The following TRIM71 variants were observed in gnomAD, a reference collection of about 807,000 sequenced individuals.
TRIM71 encodes E3 ubiquitin-protein ligase TRIM71.
A neutral mutation model predicts 61.2 loss-of-function variants in TRIM71; 9 were observed. That is an observed-to-expected ratio of 0.15 (90% CI 0.09 to 0.26). The LOEUF (loss-of-function observed/expected upper bound fraction) is 0.26, where lower values mean the gene tolerates loss of function less well. Ranked by LOEUF, TRIM71 falls within the 10% of genes least tolerant of loss-of-function variation. The pLI, the probability that TRIM71 is intolerant of heterozygous loss-of-function variation, is 1.00. For missense variants in TRIM71, 998 were observed against 1,238.7 expected (o/e 0.81, Z 2.92); for synonymous variants, 645 against 553.2 (o/e 1.17, Z -2.33).
At chr3:32,837,588 G>T (rs1696349460) in intron 1 of TRIM71, among the ~76,000 whole-genome samples, 1 of 152,118 alleles carries the variant, frequency 6.6e-6, no homozygotes, top group African/African-American at 2.4e-5. Flanking sequence ...GGGAAGCCAA[G>T]GTGGACGAAT....
chr3:32,890,909 C>A lies in TRIM71; in HGVS notation c.1705C>A (p.Gln569Lys). Residue 569 changes from glutamine to lysine, a missense_variant, in exon 4 of 4, where the codon CAG becomes AAG. By Grantham distance (53) the Gln-to-Lys change is moderately conservative. Transcript: ENST00000383763. This position sits in a 1 kb window ranked among gnomAD's most constrained non-coding sequence, Gnocchi z 6.2. ...EHLVSVTLCN[Q>K]HIENSPFKVV... is the part of the protein sequence containing the mutation. ...CCTGGTATCTGTGACACTGTGCAAC[C>A]AGCACATTGAGAACAGCCCTTTCAA... 1.2e-6 allele frequency: 2 copies of A among 1,614,230 alleles called. No individual in the cohort carries two copies. Among genetic ancestry groups the A allele is most frequent in the Non-Finnish European group, 1.7e-6 (2 of 1,180,044 alleles).
At chr3:32,854,240 C>G (rs772955830) in intron 1 of TRIM71, among the ~76,000 whole-genome samples, 1 of 152,194 alleles carries the variant, frequency 6.6e-6, no homozygotes, top group Non-Finnish European at 1.5e-5. Flanking sequence ...GTGGTCTGCT[C>G]ATCTCGGCTT....
At chr3:32,856,166 C>T (rs894369908) in intron 1 of TRIM71, among the ~76,000 whole-genome samples, 13 of 152,190 alleles carry the variant, frequency 8.5e-5, no homozygotes, top group Non-Finnish European at 1.3e-4. Context: ...TACAGGTGCC[C>T]GCCACCACGC....
chr3:32,829,947 G>C (rs1025162861), intron 1 of TRIM71, among the ~76,000 whole-genome samples: 30 of 92,142 alleles, frequency 3.3e-4, no homozygotes, highest in Admixed American at 4.1e-4. Flanking sequence ...TTTTTTTTTC[G>C]AGATGGAGTC....
chr3:32,864,702 G>A (rs566706547), intron 1 of TRIM71, among the ~76,000 whole-genome samples: 8 of 152,216 alleles, frequency 5.3e-5, no homozygotes, highest in African/African-American at 7.2e-5. Context: ...GCTCAGGTCC[G>A]GTGTAGAGTG....
At position 32,891,854 on chromosome 3, in the gene TRIM71, C is replaced by CTT; in HGVS notation, c.*44_*45insTT. The CTT allele has an allele frequency of 1.2e-6, 1 of 851,356 alleles. No homozygotes were observed. Among genetic ancestry groups the CTT allele is most frequent in the Middle Eastern group, 2.6e-4 (1 of 3,898 alleles). The allele number at this position is 851,356 out of a possible 1,614,324, so 52.7% of individuals were successfully genotyped here. A position where few individuals can be genotyped will look rare whatever the true frequency, so the allele number is the denominator to read the frequency against. On this transcript the variant is annotated 3_prime_UTR_variant, in exon 4 of 4. Transcript: ENST00000383763. This position sits in a 1 kb window ranked among gnomAD's most constrained non-coding sequence, Gnocchi z 8.2. ...CTGTGTTTGGGGTGTGTGTGCGTGT[C>CTT]TCTCTCTCTCTCTCTCTCTTTCTCT...
intron 1 of TRIM71, among the ~76,000 whole-genome samples, chr3:32,824,788 A>G (rs989868251): frequency 3.3e-5 from 5 of 151,834 alleles, no homozygotes; most frequent in African/African-American, 1.2e-4. Flanking sequence ...TGGGCTAGAT[A>G]GTCCTTTTCT....
intron 1 of TRIM71, among the ~76,000 whole-genome samples, chr3:32,863,615 G>T (rs1559545651): frequency 6.6e-6 from 1 of 152,056 alleles, no homozygotes; most frequent in East Asian, 1.9e-4. Context: ...ATATTCTCTT[G>T]ATTTTAGCTT....
chr3:32,885,951 C>T lies in TRIM71; in HGVS notation c.1038C>T (p.Ala346=), dbSNP rs1559551170. The T allele has an allele frequency of 1.2e-6, 2 of 1,613,918 alleles. No individual in the cohort carries two copies. The highest frequency in any genetic ancestry group is 1.7e-6 in the Non-Finnish European group (2 of 1,179,920). Residue 346 remains alanine (A), a synonymous_variant, in exon 3 of 4, where the codon GCC becomes GCT. Transcript: ENST00000383763. ...TTTTCCAGCTGAGCATCGAGCAGGCCCAGACGGTGGCGGAACAGGTGGAGA... is the reference window on the plus strand; with the variant it reads ...TTTTCCAGCTGAGCATCGAGCAGGCTCAGACGGTGGCGGAACAGGTGGAGA... ...RQAIQLSIEQ[A]QTVAEQVEMK...
At chr3:32,889,541 T>TTA (rs1377916597) in intron 3 of TRIM71, among the ~76,000 whole-genome samples, 1 of 149,906 alleles carries the variant, frequency 6.7e-6, no homozygotes, top group Admixed American at 6.7e-5. Context: ...GATTTACTGA[T>TTA]TATGTACGTT....
rs1054081779 is a variant in TRIM71, at chr3:32,868,111, C to A, written c.853-5707C>A. ...TAGGCCCCTTTTCAATGTTGGCACC[C>A]ATCAAAGCCTTCCACCCAAGCAGGA... On this transcript the variant is annotated intron_variant, in intron 1 of 3. Transcript: ENST00000383763. 6.6e-5 allele frequency among the ~76,000 whole-genome samples: 10 copies of A among 152,184 alleles called. No homozygotes were observed. The East Asian group carries it at 1.4e-3, about 21-fold the overall frequency.
At chr3:32,847,801 A>C (rs1451400282) in intron 1 of TRIM71, among the ~76,000 whole-genome samples, 1 of 152,088 alleles carries the variant, frequency 6.6e-6, no homozygotes, top group African/African-American at 2.4e-5. Context: ...GGCTCTCAAT[A>C]TGGGGCTGGT....
intron 1 of TRIM71, among the ~76,000 whole-genome samples, chr3:32,862,783 CAG>C (rs1696685474): frequency 6.6e-6 from 1 of 152,206 alleles, no homozygotes; most frequent in Non-Finnish European, 1.5e-5. Flanking sequence ...CATCAGAGGT[CAG>C]ATGCATGCCG....
At position 32,839,677 on chromosome 3, in the gene TRIM71, G is replaced by T. The variant is rs1696381130; in HGVS notation, c.852+20745G>T. 3.5e-5 allele frequency among the ~76,000 whole-genome samples: 4 copies of T among 114,986 alleles called. No individual in the cohort carries two copies. In the South Asian group the frequency reaches 1.4e-3, roughly 40 times the overall value. The allele number at this position is 114,986 out of a possible 152,430, so 75.4% of individuals were successfully genotyped here. A position where few individuals can be genotyped will look rare whatever the true frequency, so the allele number is the denominator to read the frequency against. ...AGCTTTTTTTGGGGGGGGGGTGGGG[G>T]TGGGGTCCCTTATCGCTTTTATCAC... On this transcript the variant is annotated intron_variant, in intron 1 of 3. Transcript: ENST00000383763.
chr3:32,839,660 T>TG (rs1696380318), intron 1 of TRIM71, among the ~76,000 whole-genome samples: 8 of 30,284 alleles, frequency 2.6e-4, no homozygotes, highest in Non-Finnish European at 4.5e-4. Context: ...TGAGCTTTTT[T>TG]TGGGGGGGGG....
rs139675903 is a variant in TRIM71 at position 32,862,366 on chromosome 3, G to C, written c.853-11452G>C. Among the ~76,000 whole-genome samples, 3 of 152,340 alleles carry C rather than the reference G, an allele frequency of 2.0e-5. No homozygotes were observed. In the East Asian group the frequency reaches 5.8e-4, roughly 29 times the overall value. ...CTCTTCTCAGGACAGTTTTACCCAG[G>C]TGATGAGTGCCTTCCCTTGCTTTAA... On this transcript the variant is annotated intron_variant, in intron 1 of 3. Coordinates refer to ENST00000383763, the MANE Select transcript of TRIM71 (RefSeq NM_001039111.3).
intron 1 of TRIM71, among the ~76,000 whole-genome samples, chr3:32,828,948 A>G (rs1424609755): frequency 1.3e-5 from 2 of 152,008 alleles, no homozygotes; most frequent in African/African-American, 4.8e-5. Context: ...AGTCTCCTAG[A>G]GTACTGGGGT....
At chr3:32,831,293 A>G (rs962852589) in intron 1 of TRIM71, among the ~76,000 whole-genome samples, 3 of 148,322 alleles carry the variant, frequency 2.0e-5, no homozygotes, top group African/African-American at 7.3e-5. Flanking sequence ...TGGACAAGTC[A>G]CTTAACTGAC....
At chr3:32,840,244 G>T (rs1039185661) in intron 1 of TRIM71, among the ~76,000 whole-genome samples, 1 of 147,088 alleles carries the variant, frequency 6.8e-6, no homozygotes, top group South Asian at 2.2e-4. Context: ...CCCTTCCAAA[G>T]GTCCTTTTTG....
Sources: gnomAD v4.1 joint callset for allele counts (sites outside exome capture counted in the v4.1 genomes callset) on GRCh38, gnomAD v4.1.1 for gene constraint, Gnocchi (gnomAD v3.1) non-coding constraint, MANE v1.5 for transcripts, NCBI Gene and HGNC (gene_info 2026-07-23, HGNC 2026-07-21) for gene names.